The following MICALL1 variants were observed in gnomAD, a reference collection of about 807,000 sequenced individuals.
MICALL1 encodes the protein MICAL like 1, also known as MICAL-like protein 1.
MICALL1 carries 61 observed loss-of-function variants against 83.7 expected under a neutral mutation model. The ratio of observed to expected loss-of-function variants is 0.73; its 90% confidence interval spans 0.59 to 0.90. The LOEUF is 0.90. MICALL1 is among the 40% of genes least tolerant of loss of function. MICALL1 has a pLI of 0.00. For synonymous variants in MICALL1, 481 were observed against 473.6 expected (o/e 1.02, Z -0.20); for missense variants, 1,066 against 1,152.0 (o/e 0.93, Z 1.08).
At chr22:37,910,221 A>C (rs902016200) in intron 1 of MICALL1, among the ~76,000 whole-genome samples, 1 of 152,198 alleles carries the variant, frequency 6.6e-6, no homozygotes, top group Non-Finnish European at 1.5e-5. Context: ...TACAGTTTTC[A>C]CACTGTTTTC....
At chr22:37,934,775 T>C (rs1449566458) in intron 13 of MICALL1, among the ~76,000 whole-genome samples, 1 of 150,396 alleles carries the variant, frequency 6.6e-6, no homozygotes, top group African/African-American at 2.4e-5. Context: ...TTTTTGTGTT[T>C]TTAGTAGAGA....
At chr22:37,917,683 G>GACCCCTTTT (rs1301361936) in intron 3 of MICALL1, 24 bp from the exon 4 acceptor site, 1 of 1,611,350 alleles carries the variant, frequency 6.2e-7, no homozygotes, top group Non-Finnish European at 8.5e-7. Context: ...CCTGCTTCAG[G>GACCCCTTTT]ACCCCTTTCT....
At position 37,926,146 on chromosome 22, in the gene MICALL1, A is replaced by G; in HGVS notation, c.1465+103A>G. 2.2e-6 allele frequency: 3 copies of G among 1,389,800 alleles called. No homozygotes were observed. The East Asian group carries it at 7.4e-5, about 34-fold the overall frequency. The allele number at this position is 1,389,800 out of a possible 1,614,324, so 86.1% of individuals were successfully genotyped here. On this transcript the variant is annotated intron_variant, in intron 8 of 15. Coordinates refer to ENST00000215957, the MANE Select transcript of MICALL1 (RefSeq NM_033386.4). Reference sequence around the variant, plus strand: ...GGCAGAGCCTACCAGGCCAGGCACCACGTGTTTCATGGGTGACTTCTCATT... The same window carrying G: ...GGCAGAGCCTACCAGGCCAGGCACCGCGTGTTTCATGGGTGACTTCTCATT...
At chr22:37,921,176 G>C (rs936254591) in intron 5 of MICALL1, among the ~76,000 whole-genome samples, 2 of 152,200 alleles carry the variant, frequency 1.3e-5, no homozygotes, top group African/African-American at 4.8e-5. Context: ...AAATAAAACT[G>C]TGTAAGTAGA....
Position 37,922,358 on chromosome 22 carries a change from C to T in MICALL1, c.956C>T (p.Pro319Leu), listed in dbSNP as rs1363389800. Residue 319 changes from proline to leucine, a missense_variant, in exon 6 of 16, where the codon CCC (proline) becomes CTC (leucine). Transcript: ENST00000215957. ...AGCACCACCCCAGCACCCCCCACGCCCCGGCCCCGCTCCAGTCTGCAGCAG... is the reference window on the plus strand; with the variant it reads ...AGCACCACCCCAGCACCCCCCACGCTCCGGCCCCGCTCCAGTCTGCAGCAG... ...SESTTPAPPT[P>L]RPRSSLQQEN... 3.9e-6 allele frequency: 6 copies of T among 1,532,560 alleles called. No homozygotes were observed. Among genetic ancestry groups the T allele is most frequent in the Non-Finnish European group, 5.3e-6 (6 of 1,142,008 alleles). 94.9% of individuals were successfully genotyped at this position (1,532,560 alleles called of 1,614,324 possible).
intron 1 of MICALL1, among the ~76,000 whole-genome samples, chr22:37,908,325 G>A (rs1928101003): frequency 6.6e-6 from 1 of 151,098 alleles, no homozygotes; most frequent in Non-Finnish European, 1.5e-5. Context: ...TTTTGAGATG[G>A]GGTCTCACTC....
intron 2 of MICALL1, 133 bp downstream of exon 2, chr22:37,912,133 C>G: frequency 1.7e-6 from 2 of 1,193,204 alleles, no homozygotes; most frequent in Non-Finnish European, 2.4e-6. Context: ...CACCTTTCCC[C>G]ACCCTCTGCT....
intron 4 of MICALL1, 101 bp from the exon 5 acceptor site, chr22:37,918,935 G>T: frequency 7.3e-7 from 1 of 1,371,194 alleles, no homozygotes; most frequent in South Asian, 1.6e-5. Flanking sequence ...GTGCACACTT[G>T]AGTGACGGTG....
chr22:37,938,912 C>G (rs1462318695), intron 15 of MICALL1, among the ~76,000 whole-genome samples: 1 of 152,076 alleles, frequency 6.6e-6, no homozygotes, highest in East Asian at 1.9e-4. Context: ...TGCGCCCGGC[C>G]CTGGCTAATT....
Position 37,924,803 on chromosome 22 carries a change from C to A in MICALL1, c.1082+86C>A. On this transcript the variant is annotated intron_variant, in intron 7 of 15. Coordinates refer to ENST00000215957, the MANE Select transcript of MICALL1 (RefSeq NM_033386.4). This position sits in a 1 kb window ranked among gnomAD's most constrained non-coding sequence, Gnocchi z 5.2. The stretch of plus-strand genomic sequence containing the variant: ...CTCTGGGGCCGGGTAGGGAGAGAGG[C>A]TTCCTGTGGATGGGCAGGGCGGGGC... 3 of 1,393,138 alleles carry A rather than the reference C, an allele frequency of 2.2e-6. No homozygotes were observed. The highest frequency in any genetic ancestry group is 2.0e-6 in the Non-Finnish European group (2 of 999,244). 86.3% of individuals were successfully genotyped at this position (1,393,138 alleles called of 1,614,324 possible). A position where few individuals can be genotyped will look rare whatever the true frequency, so the allele number is the denominator to read the frequency against.
At chr22:37,938,230 G>A (rs762589198) in intron 15 of MICALL1, among the ~76,000 whole-genome samples, 8 of 151,786 alleles carry the variant, frequency 5.3e-5, no homozygotes, top group African/African-American at 7.3e-5. Flanking sequence ...GTGAAACCCC[G>A]TCTCTACTAA....
chr22:37,911,054 C>T (rs539107650), intron 1 of MICALL1, among the ~76,000 whole-genome samples: 1 of 152,338 alleles, frequency 6.6e-6, no homozygotes, highest in Admixed American at 6.5e-5. Flanking sequence ...ACTGAGCTGT[C>T]TCTGCTGGTT....
At chr22:37,916,758 G>A (rs6000939) in intron 3 of MICALL1, among the ~76,000 whole-genome samples, 2,250 of 152,336 alleles carry the variant, frequency 0.015, 53 homozygotes, top group African/African-American at 0.052. Context: ...AAATCAGAAA[G>A]GGGTTGGGGA....
In MICALL1 at chr22:37,919,163, A is replaced by G; in HGVS notation, c.554A>G (p.His185Arg). ...QRYLADGRLY[H>R]RHCFRCRRCS... is the part of the protein sequence containing the mutation. ...TACCTGGCTGACGGCAGGCTGTACCATCGCCACTGCTTCCGGTGAGTGGCC... is the reference window on the plus strand; with the variant it reads ...TACCTGGCTGACGGCAGGCTGTACCGTCGCCACTGCTTCCGGTGAGTGGCC... The change falls in exon 5 of 16, where the codon CAT becomes CGT. Residue 185 changes from histidine (H) to arginine (R), a missense_variant. His to Arg is a conservative substitution (Grantham distance 29). Coordinates refer to ENST00000215957, the MANE Select transcript of MICALL1 (RefSeq NM_033386.4). The G allele has an allele frequency of 6.5e-7, 1 of 1,542,112 alleles. No homozygotes were observed. The highest frequency in any genetic ancestry group is 8.8e-7 in the Non-Finnish European group (1 of 1,140,992).
chr22:37,915,226 T>C (rs1928602221), intron 3 of MICALL1, among the ~76,000 whole-genome samples: 2 of 152,114 alleles, frequency 1.3e-5, no homozygotes, highest in Non-Finnish European at 1.5e-5. Context: ...CACTGCAGCC[T>C]GGGCAACAGA....
At chr22:37,915,676 C>T (rs550442216) in intron 3 of MICALL1, among the ~76,000 whole-genome samples, 55 of 143,036 alleles carry the variant, frequency 3.8e-4, no homozygotes, top group Non-Finnish European at 6.3e-4. Context: ...GACAGAGTCT[C>T]GCTGTGTCAT....
chr22:37,935,284 A>G lies in MICALL1; in HGVS notation c.2309-1796A>G, dbSNP rs1469633598. The stretch of plus-strand genomic sequence containing the variant: ...TTATTTTATTTTATTTTTTTGAGTC[A>G]GAGTCTCGCTCTGTCGCCTAGGCTG... On this transcript the variant is annotated intron_variant, in intron 13 of 15. Coordinates refer to ENST00000215957, the MANE Select transcript of MICALL1 (RefSeq NM_033386.4). Among the ~76,000 whole-genome samples the G allele has an allele frequency of 2.2e-5, 3 of 138,060 alleles. No homozygotes were observed. In the Admixed American group the frequency reaches 2.2e-4, roughly 10 times the overall value. 90.6% of individuals were successfully genotyped at this position (138,060 alleles called of 152,430 possible).
intron 1 of MICALL1, among the ~76,000 whole-genome samples, chr22:37,909,748 A>T (rs1478584972): frequency 2.6e-5 from 4 of 152,258 alleles, no homozygotes; most frequent in Non-Finnish European, 5.9e-5. Flanking sequence ...AATCATGTCC[A>T]GGCATTCATT....
At position 37,941,767 on chromosome 22, in the gene MICALL1, T is replaced by A. The variant is rs1293503873; in HGVS notation, c.*937T>A. 6.6e-6 allele frequency: 1 copy of A among 152,266 alleles called. No individual in the cohort carries two copies. Among genetic ancestry groups the A allele is most frequent in the South Asian group, 2.1e-4 (1 of 4,820 alleles). 9.4% of individuals were successfully genotyped at this position (152,266 alleles called of 1,614,324 possible). A position where few individuals can be genotyped will look rare whatever the true frequency, so the allele number is the denominator to read the frequency against. ...GTTGTCTGTTCTTTCCCTGACTCCC[T>A]CCCACCGAAGGCCTGATGGCTACTC... On this transcript the variant is annotated 3_prime_UTR_variant, in exon 16 of 16. Transcript: ENST00000215957.
Sources: gnomAD v4.1 joint callset for allele counts (sites outside exome capture counted in the v4.1 genomes callset) on GRCh38, gnomAD v4.1.1 for gene constraint, Gnocchi (gnomAD v3.1) non-coding constraint, MANE v1.5 for transcripts, NCBI Gene and HGNC (gene_info 2026-07-23, HGNC 2026-07-21) for gene names.